Variants in MMP26 observed in about 807,000 individuals in gnomAD.
MMP26 encodes matrix metalloproteinase-26.
In MMP26, 33 loss-of-function variants were observed where a neutral mutation model predicts 31.0. The ratio of observed to expected loss-of-function variants is 1.06; its 90% CI spans 0.81 to 1.42. The LOEUF (loss-of-function observed/expected upper bound fraction) is 1.42, where lower values mean the gene tolerates loss of function less well. MMP26 is among the 40% of genes most tolerant of loss of function. The probability of loss-of-function intolerance (pLI) is 0.00; values close to 1 mark genes in which losing one functional copy is unlikely to be tolerated. For synonymous variants in MMP26, 122 were observed against 114.9 expected (o/e 1.06, Z -0.40); for missense variants, 347 against 316.1 (o/e 1.10, Z -0.74).
At chr11:4,916,127 G>T (rs1360912928) in intron 2 of MMP26, among the ~76,000 whole-genome samples, 1 of 150,874 alleles carries the variant, frequency 6.6e-6, no homozygotes, top group Non-Finnish European at 1.5e-5. Flanking sequence ...GACCATCCTG[G>T]CTAACACAGT....
intron 1 of MMP26, among the ~76,000 whole-genome samples, chr11:4,764,789 C>T (rs1347481089): frequency 3.9e-5 from 6 of 152,100 alleles, no homozygotes; most frequent in Non-Finnish European, 1.5e-5. Context: ...AGGAGAATGG[C>T]GTGAACCCGG....
chr11:4,742,549 G>A (rs946219382), intron 1 of MMP26, among the ~76,000 whole-genome samples: 1 of 152,154 alleles, frequency 6.6e-6, no homozygotes, highest in Admixed American at 6.5e-5. Flanking sequence ...TTTTCCAGAA[G>A]AGATTAGCAT....
intron 1 of MMP26, among the ~76,000 whole-genome samples, chr11:4,766,086 TC>T (rs1435856913): frequency 1.3e-5 from 2 of 152,204 alleles, no homozygotes; most frequent in African/African-American, 4.8e-5. Flanking sequence ...ACCTCCTTGA[TC>T]AACCATTCTC....
intron 2 of MMP26, chr11:4,860,276 C>G (rs1850130739): frequency 2.1e-6 from 1 of 471,256 alleles, no homozygotes; most frequent in South Asian, 1.5e-5. Flanking sequence ...ATGCATGCAT[C>G]AAAAACAATC....
intron 2 of MMP26, chr11:4,945,765 T>G (rs12794595): frequency 0.15 from 39,166 of 258,764 alleles, 3,251 homozygotes; most frequent in South Asian, 0.17. Context: ...ATGGTTGTAT[T>G]CTAAGATGAT....
chr11:4,727,012 C>T (rs1161321461), intron 1 of MMP26, among the ~76,000 whole-genome samples: 1 of 151,878 alleles, frequency 6.6e-6, no homozygotes, highest in Non-Finnish European at 1.5e-5. Context: ...GGGACCCTGT[C>T]TCTAAAACAA....
intron 1 of MMP26, chr11:4,709,712 G>C (rs11033474): frequency 8.7e-6 from 4 of 459,930 alleles, no homozygotes; most frequent in Admixed American, 2.3e-5. Flanking sequence ...GCATGATCCT[G>C]TTTGTCATCA....
At chr11:4,750,415 A>G (rs1034990586) in intron 1 of MMP26, among the ~76,000 whole-genome samples, 1 of 152,102 alleles carries the variant, frequency 6.6e-6, no homozygotes, top group Non-Finnish European at 1.5e-5. Context: ...CAATTCCACT[A>G]CTGAGTAGTT....
At chr11:4,721,884 C>A (rs1263817640) in intron 1 of MMP26, among the ~76,000 whole-genome samples, 2 of 152,182 alleles carry the variant, frequency 1.3e-5, no homozygotes, top group East Asian at 1.9e-4. Context: ...CCTGCTTTGG[C>A]CCCTGGAATC....
At chr11:4,774,928 A>T (rs913559475) in intron 2 of MMP26, among the ~76,000 whole-genome samples, 5 of 152,136 alleles carry the variant, frequency 3.3e-5, no homozygotes, top group Admixed American at 3.3e-4. Flanking sequence ...GTTGAAGATC[A>T]CATGGTTGTA....
chr11:4,793,152 C>CCCTTTG (rs1564910869), intron 2 of MMP26, among the ~76,000 whole-genome samples: 7 of 152,138 alleles, frequency 4.6e-5, no homozygotes, highest in Non-Finnish European at 8.8e-5. Context: ...TAAATAATCT[C>CCCTTTG]ATTTAATTTT....
At chr11:4,902,010 C>T (rs1023492433) in intron 2 of MMP26, among the ~76,000 whole-genome samples, 2 of 152,132 alleles carry the variant, frequency 1.3e-5, no homozygotes, top group African/African-American at 2.4e-5. Flanking sequence ...AAACACTGCA[C>T]CTGACATAAA....
chr11:4,939,674 G>A (rs1018568204), intron 2 of MMP26, among the ~76,000 whole-genome samples: 2 of 152,084 alleles, frequency 1.3e-5, no homozygotes, highest in Non-Finnish European at 2.9e-5. Context: ...TAATTTCTTA[G>A]TGCTTATGGG....
intron 3 of MMP26, 82 bp from the exon 4 acceptor site, chr11:4,989,566 C>T: frequency 1.7e-6 from 2 of 1,154,826 alleles, no homozygotes; most frequent in Admixed American, 4.1e-5. Flanking sequence ...CTGAGACCCT[C>T]AAAGAAGGCT....
At chr11:4,907,538 G>A (rs1209730247) in intron 2 of MMP26, 9 of 1,613,980 alleles carry the variant, frequency 5.6e-6, no homozygotes, top group South Asian at 2.2e-5. Flanking sequence ...CTCGCTTCAT[G>A]AGCCCATGTA....
At chr11:4,762,893 A>G (rs927027032) in intron 1 of MMP26, among the ~76,000 whole-genome samples, 1 of 152,174 alleles carries the variant, frequency 6.6e-6, no homozygotes, top group African/African-American at 2.4e-5. Flanking sequence ...CTAGCAATGG[A>G]TATCAGTTTC....
At chr11:4,746,317 T>C (rs1408664462) in intron 1 of MMP26, among the ~76,000 whole-genome samples, 8 of 152,238 alleles carry the variant, frequency 5.3e-5, no homozygotes, top group Admixed American at 5.2e-4. Flanking sequence ...GTTCTTGTAA[T>C]AGGAATTATC....
At chr11:4,822,233 C>A (rs374318168) in intron 2 of MMP26, 1 of 1,580,004 alleles carries the variant, frequency 6.3e-7, no homozygotes, top group Non-Finnish European at 8.6e-7. Context: ...CATTCAGCAC[C>A]TCCATTTGTC....
chr11:4,718,519 T>G (rs1241575567), intron 1 of MMP26: 2 of 152,290 alleles, frequency 1.3e-5, no homozygotes, highest in African/African-American at 4.8e-5. Flanking sequence ...AAATGTTTAC[T>G]TGGTGAAATA....
Sources: allele counts gnomAD v4.1 joint callset (sites outside exome capture counted in the v4.1 genomes callset), GRCh38; gene constraint gnomAD v4.1.1; transcripts MANE v1.5; gene names NCBI Gene and HGNC (gene_info 2026-07-23, HGNC 2026-07-21).